The following DCTD variants were observed in gnomAD, a reference collection of about 807,000 sequenced individuals.
DCTD encodes the protein dCMP deaminase.
A neutral mutation model predicts 21.0 loss-of-function variants in DCTD; 23 were observed. The observed-to-expected ratio is 1.09, with a 90% confidence interval of 0.79 to 1.55. The LOEUF is 1.55. Ranked by LOEUF, DCTD falls within the 40% of genes most tolerant of loss-of-function variation. The pLI, the probability that DCTD is intolerant of heterozygous loss-of-function variation, is 0.00. For missense variants in DCTD, 224 were observed against 230.0 expected, an observed-to-expected ratio of 0.97 and a Z score of 0.17; for synonymous variants, 71 against 81.1, an observed-to-expected ratio of 0.88 and a Z score of 0.67.
intron 3 of DCTD, among the ~76,000 whole-genome samples, chr4:182,910,221 C>T (rs1396408664): frequency 1.3e-5 from 2 of 152,182 alleles, no homozygotes; most frequent in African/African-American, 4.8e-5. Flanking sequence ...ACCCAGAGCC[C>T]TTTGCCAGCA....
intron 3 of DCTD, among the ~76,000 whole-genome samples, chr4:182,908,344 C>T (rs902468952): frequency 6.6e-6 from 1 of 152,122 alleles, no homozygotes; most frequent in Admixed American, 6.5e-5. Context: ...CCACACTGTA[C>T]AGCAATCCCT....
At chr4:182,901,684 A>G (rs1735772646) in intron 3 of DCTD, among the ~76,000 whole-genome samples, 1 of 152,118 alleles carries the variant, frequency 6.6e-6, no homozygotes, top group Non-Finnish European at 1.5e-5. Context: ...AAAGGTGGGA[A>G]GCATCACCCT....
intron 3 of DCTD, among the ~76,000 whole-genome samples, chr4:182,895,522 G>A (rs759830654): frequency 6.6e-6 from 1 of 152,076 alleles, no homozygotes; most frequent in African/African-American, 2.4e-5. Flanking sequence ...TCCCTCTCTC[G>A]AACCTGGCAA....
intron 3 of DCTD, among the ~76,000 whole-genome samples, chr4:182,906,938 G>A (rs1444093052): frequency 6.6e-6 from 1 of 152,232 alleles, no homozygotes; most frequent in African/African-American, 2.4e-5. Context: ...GCCTTCACCA[G>A]TATCCTGCAT....
At chr4:182,916,602 C>T (rs1738776634) in intron 1 of DCTD, 14 of 995,164 alleles carry the variant, frequency 1.4e-5, no homozygotes, top group Non-Finnish European at 1.7e-5. Context: ...GATTACGCTG[C>T]CCCACATCTG....
intron 3 of DCTD, among the ~76,000 whole-genome samples, chr4:182,905,615 G>GCTCTGTGT (rs1295104334): frequency 6.6e-6 from 1 of 152,052 alleles, no homozygotes; most frequent in Non-Finnish European, 1.5e-5. Context: ...TTAAAGCACT[G>GCTCTGTGT]CTCTGTGTGC....
chr4:182,915,497 G>T lies in DCTD; in HGVS notation c.72C>A (p.Phe24Leu). The change falls in exon 2 of 6, where the codon TTC becomes TTA. Residue 24 changes from phenylalanine to leucine, a missense_variant. Coordinates refer to ENST00000438320, the MANE Select transcript of DCTD (RefSeq NM_001921.3). ...GATCTTTGCTTCTCTGTGCTGATAA[G>T]AAGGCCACAGCCATAAAATACTCTG... ...EWPEYFMAVA[F>L]LSAQRSKDPN... 6.2e-7 allele frequency: 1 copy of T among 1,613,428 alleles called. No homozygotes were observed. Among genetic ancestry groups the T allele is most frequent in the Non-Finnish European group, 8.5e-7 (1 of 1,179,322 alleles).
In DCTD at chr4:182,890,362, T is replaced by C. The variant is rs1272680698; in HGVS notation, c.*1037A>G. On this transcript the variant is annotated 3_prime_UTR_variant, in exon 6 of 6. Transcript: ENST00000438320. The stretch of plus-strand genomic sequence containing the variant: ...CCGCGGTGATTAGGAAGGTGATGCT[T>C]GTGTAGGTGAAAGCATGGAGCCAGG... 6.6e-6 allele frequency: 1 copy of C among 152,136 alleles called. No homozygotes were observed. The allele number at this position is 152,136 out of a possible 1,614,324, so 9.4% of individuals were successfully genotyped here. A position where few individuals can be genotyped will look rare whatever the true frequency, so the allele number is the denominator to read the frequency against.
At position 182,917,215 on chromosome 4, in the gene DCTD, G is replaced by A; in HGVS notation, c.-8+96C>T. Reference sequence around the variant, plus strand: ...GTCCGCGGCCCCAGGCCCCCGCCCGGCAGCCAGCGCCCCGCGCCACGCGCT... The same window carrying A: ...GTCCGCGGCCCCAGGCCCCCGCCCGACAGCCAGCGCCCCGCGCCACGCGCT... On this transcript the variant is annotated intron_variant, in intron 1 of 5. Transcript: ENST00000438320. The surrounding 1 kb of genome is among the most constrained non-coding windows in gnomAD (Gnocchi z 4.9). The A allele has an allele frequency of 7.0e-6, 7 of 994,982 alleles. No homozygotes were observed. Among genetic ancestry groups the A allele is most frequent in the Non-Finnish European group, 8.4e-6 (7 of 837,158 alleles). 61.6% of individuals were successfully genotyped at this position (994,982 alleles called of 1,614,324 possible).
intron 4 of DCTD, 43 bp from the exon 5 acceptor site, chr4:182,893,170 A>G (rs1241084339): frequency 1.7e-6 from 2 of 1,178,998 alleles, no homozygotes; most frequent in Admixed American, 3.6e-5. Context: ...ACGCACCTAC[A>G]GATGCTGCAA....
intron 3 of DCTD, among the ~76,000 whole-genome samples, chr4:182,902,749 TG>T (rs1735974903): frequency 1.3e-5 from 2 of 152,090 alleles, no homozygotes; most frequent in Non-Finnish European, 2.9e-5. Context: ...GGCTGCGGGA[TG>T]GAGGTGGGTC....
At chr4:182,903,831 A>C (rs10016530) in intron 3 of DCTD, among the ~76,000 whole-genome samples, 16,780 of 152,110 alleles carry the variant, frequency 0.11, 1,721 homozygotes, top group African/African-American at 0.28. Flanking sequence ...CACACTGTCC[A>C]CAACCTACCA....
At chr4:182,913,357 T>C (rs1213565064) in intron 3 of DCTD, among the ~76,000 whole-genome samples, 17 of 152,182 alleles carry the variant, frequency 1.1e-4, no homozygotes, top group Non-Finnish European at 1.5e-5. Flanking sequence ...AAACTACTTT[T>C]CACATCCTGG....
At chr4:182,905,323 CTTCTTTTT>C (rs1483498605) in intron 3 of DCTD, among the ~76,000 whole-genome samples, 2 of 145,162 alleles carry the variant, frequency 1.4e-5, no homozygotes, top group East Asian at 4.1e-4. Context: ...ACAAGCCCGC[CTTCTTTTT>C]TTTTTTTTTT....
At chr4:182,902,023 C>T (rs2152858497) in intron 3 of DCTD, among the ~76,000 whole-genome samples, 1 of 152,266 alleles carries the variant, frequency 6.6e-6, no homozygotes, top group East Asian at 1.9e-4. Flanking sequence ...ACTTACTCCT[C>T]TAACTGATCC....
chr4:182,897,044 C>A (rs115099420), intron 3 of DCTD, among the ~76,000 whole-genome samples: 1,832 of 152,226 alleles, frequency 0.012, 40 homozygotes, highest in African/African-American at 0.042. Flanking sequence ...TGATAGCGTC[C>A]TCTAAGAACT....
At chr4:182,893,350 A>T (rs1457086477) in intron 4 of DCTD, among the ~76,000 whole-genome samples, 1 of 151,934 alleles carries the variant, frequency 6.6e-6, no homozygotes, top group African/African-American at 2.4e-5. Context: ...TTTTTTTTTT[A>T]AACAAATGCA....
At chr4:182,893,597 C>G (rs1039170756) in intron 4 of DCTD, among the ~76,000 whole-genome samples, 1 of 152,244 alleles carries the variant, frequency 6.6e-6, no homozygotes, top group African/African-American at 2.4e-5. Context: ...CTGATCTCAG[C>G]AGGCAGCGCT....
intron 5 of DCTD, 31 bp downstream of exon 5, chr4:182,893,000 C>T: frequency 7.3e-7 from 1 of 1,378,888 alleles, no homozygotes; most frequent in Non-Finnish European, 1.0e-6. Flanking sequence ...TCACCCTACC[C>T]CGTCCCCCCG....
Sources: gnomAD v4.1 joint callset for allele counts (sites outside exome capture counted in the v4.1 genomes callset) on GRCh38, gnomAD v4.1.1 for gene constraint, Gnocchi (gnomAD v3.1) non-coding constraint, MANE v1.5 for transcripts, NCBI Gene and HGNC (gene_info 2026-07-23, HGNC 2026-07-21) for gene names.